GRIK2: variants seen among roughly 807,000 people sequenced by gnomAD.
GRIK2 encodes the protein glutamate receptor ionotropic, kainate 2.
GRIK2 carries 32 observed loss-of-function variants against 100.3 expected under a neutral mutation model. The observed-to-expected ratio is 0.32, with a 90% CI of 0.24 to 0.43. GRIK2 has a LOEUF of 0.43. Among genes scored for constraint, GRIK2 ranks in the 20% least tolerant of loss-of-function variants. GRIK2 has a pLI of 1.00. For missense variants in GRIK2, 843 were observed against 1,114.9 expected (o/e 0.76, Z 3.47); for synonymous variants, 417 against 389.4 (o/e 1.07, Z -0.83).
At position 101,637,597 on chromosome 6, in the gene GRIK2, G is replaced by A. The variant is rs866315491; in HGVS notation, c.541+10960G>A. On this transcript the variant is annotated intron_variant, in intron 4 of 16. Transcript: ENST00000369134. ...GCCCTGCCTGCTACTCTATTTAAAT[G>A]TGTCTACCTGACGTAGAGAAAAGGG... Among the ~76,000 whole-genome samples, 4 of 152,110 alleles carry A rather than the reference G, an allele frequency of 2.6e-5. No homozygotes were observed. In the South Asian group the frequency reaches 6.2e-4, roughly 24 times the overall value.
At chr6:101,397,974 A>T (rs1042077775) in intron 1 of GRIK2, among the ~76,000 whole-genome samples, 4 of 152,024 alleles carry the variant, frequency 2.6e-5, no homozygotes, top group East Asian at 1.9e-4. Flanking sequence ...AATAATAAAA[A>T]TGTATTTTTA....
At chr6:101,521,479 T>C (rs928402817) in intron 2 of GRIK2, among the ~76,000 whole-genome samples, 15 of 152,112 alleles carry the variant, frequency 9.9e-5, no homozygotes, top group African/African-American at 3.6e-4. Context: ...TCTTTTGTTA[T>C]GTCTGTTCTC....
intron 2 of GRIK2, among the ~76,000 whole-genome samples, chr6:101,605,741 G>A (rs1371502770): frequency 6.6e-6 from 1 of 151,886 alleles, no homozygotes; most frequent in South Asian, 2.1e-4. Context: ...ATATTTAGAA[G>A]GTGACTATAT....
intron 14 of GRIK2, among the ~76,000 whole-genome samples, chr6:101,976,207 G>C (rs1793368922): frequency 6.6e-6 from 1 of 151,830 alleles, no homozygotes; most frequent in African/African-American, 2.4e-5. Flanking sequence ...GGGCAATTTT[G>C]AACACTCAGT....
At chr6:101,795,112 C>G (rs947096120) in intron 7 of GRIK2, among the ~76,000 whole-genome samples, 1 of 152,074 alleles carries the variant, frequency 6.6e-6, no homozygotes. Flanking sequence ...GGTGATCCAT[C>G]CACCTCGGCC....
intron 2 of GRIK2, among the ~76,000 whole-genome samples, chr6:101,519,721 G>T (rs1774776841): frequency 6.6e-6 from 1 of 151,936 alleles, no homozygotes; most frequent in African/African-American, 2.4e-5. Context: ...ACCATTGCCG[G>T]TACTTAAATT....
At chr6:101,405,842 T>A (rs894211161) in intron 2 of GRIK2, among the ~76,000 whole-genome samples, 2 of 152,244 alleles carry the variant, frequency 1.3e-5, no homozygotes, top group African/African-American at 4.8e-5. Context: ...GTCAGTTCCT[T>A]AGATATTTCT....
intron 4 of GRIK2, among the ~76,000 whole-genome samples, chr6:101,672,571 G>A (rs928981744): frequency 1.4e-4 from 21 of 145,394 alleles, no homozygotes; most frequent in African/African-American, 4.9e-4. Context: ...TTATTTTTAT[G>A]TGTTTTTTTT....
chr6:101,770,064 C>T (rs1363232432), intron 7 of GRIK2, among the ~76,000 whole-genome samples: 1 of 152,182 alleles, frequency 6.6e-6, no homozygotes, highest in East Asian at 1.9e-4. Flanking sequence ...TGGTAACCTT[C>T]TCTTTACAGT....
At chr6:102,051,263 T>TCCTTCCTA (rs1771174899) in intron 15 of GRIK2, among the ~76,000 whole-genome samples, 2 of 119,130 alleles carry the variant, frequency 1.7e-5, no homozygotes, top group East Asian at 5.2e-4. Flanking sequence ...CTTCCTTCCT[T>TCCTTCCTA]CCTTCCTTCC....
At chr6:101,775,690 T>C (rs1205734900) in intron 7 of GRIK2, among the ~76,000 whole-genome samples, 2 of 151,686 alleles carry the variant, frequency 1.3e-5, no homozygotes, top group African/African-American at 4.8e-5. Flanking sequence ...ATTGTATTTC[T>C]AGGAGGTAAT....
chr6:101,653,292 C>T (rs1288937355), intron 4 of GRIK2, among the ~76,000 whole-genome samples: 1 of 152,044 alleles, frequency 6.6e-6, no homozygotes, highest in African/African-American at 2.4e-5. Context: ...TGGCAACACA[C>T]ACTCTAGACT....
At chr6:101,518,226 TAGAG>T (rs979462685) in intron 2 of GRIK2, among the ~76,000 whole-genome samples, 5 of 152,120 alleles carry the variant, frequency 3.3e-5, no homozygotes, top group African/African-American at 4.8e-5. Context: ...TAATTTTAGT[TAGAG>T]AGAAAAACAG....
chr6:101,435,774 A>C (rs1769681209), intron 2 of GRIK2, among the ~76,000 whole-genome samples: 1 of 152,008 alleles, frequency 6.6e-6, no homozygotes, highest in South Asian at 2.1e-4. Flanking sequence ...TGACACTTGG[A>C]CTCAGAATCT....
chr6:101,825,892 A>G (rs575518986), intron 10 of GRIK2, among the ~76,000 whole-genome samples: 2 of 152,224 alleles, frequency 1.3e-5, no homozygotes, highest in South Asian at 4.1e-4. Context: ...AATTTTAGCT[A>G]CAACCTTGAA....
chr6:101,491,278 A>AC (rs1303264324), intron 2 of GRIK2, among the ~76,000 whole-genome samples: 1 of 150,486 alleles, frequency 6.6e-6, no homozygotes, highest in Non-Finnish European at 1.5e-5. Flanking sequence ...AAAAAAGAAA[A>AC]AAAAAAAAAA....
chr6:101,742,869 C>G (rs975340998), intron 7 of GRIK2, among the ~76,000 whole-genome samples: 11 of 152,102 alleles, frequency 7.2e-5, no homozygotes, highest in Non-Finnish European at 1.2e-4. Context: ...ATGCTAGACC[C>G]CCCACTTCCC....
At chr6:101,996,196 A>T (rs1794643375) in intron 14 of GRIK2, among the ~76,000 whole-genome samples, 1 of 152,118 alleles carries the variant, frequency 6.6e-6, no homozygotes, top group African/African-American at 2.4e-5. Context: ...TTTCTAAAAT[A>T]AAAGGTAATG....
intron 2 of GRIK2, among the ~76,000 whole-genome samples, chr6:101,437,669 A>T (rs1173490076): frequency 6.6e-6 from 1 of 152,140 alleles, no homozygotes; most frequent in South Asian, 2.1e-4. Flanking sequence ...TACATACAGT[A>T]TAATACTACT....
Sources: allele counts gnomAD v4.1 joint callset (sites outside exome capture counted in the v4.1 genomes callset), GRCh38; gene constraint gnomAD v4.1.1; transcripts MANE v1.5; gene names NCBI Gene and HGNC (gene_info 2026-07-23, HGNC 2026-07-21).